GSE1: variants seen among roughly 807,000 people sequenced by gnomAD.
The protein encoded by GSE1 is genetic suppressor element 1.
Under a neutral mutation model 112.6 loss-of-function variants are expected in GSE1, and 32 were observed. That is an observed-to-expected ratio of 0.28 (90% CI 0.21 to 0.38). The LOEUF is 0.38. Among genes scored for constraint, GSE1 ranks in the 10% least tolerant of loss-of-function variants. The pLI, the probability that GSE1 is intolerant of heterozygous loss-of-function variation, is 1.00. For missense variants in GSE1, 2,348 were observed against 1,699.2 expected (o/e 1.38, Z -6.71); for synonymous variants, 1,115 against 735.6 (o/e 1.52, Z -8.35).
chr16:85,659,654 T>G (rs1367182871), intron 8 of GSE1: 1 of 152,186 alleles, frequency 6.6e-6, no homozygotes, highest in Non-Finnish European at 1.5e-5. Flanking sequence ...CCAGCCTGGG[T>G]AACACAGCGA....
At chr16:85,371,269 C>G (rs888741592) in intron 2 of GSE1, among the ~76,000 whole-genome samples, 21 of 152,218 alleles carry the variant, frequency 1.4e-4, no homozygotes, top group African/African-American at 5.1e-4. Flanking sequence ...GTGGAAAGTG[C>G]TCCTGCCGGG....
intron 2 of GSE1, among the ~76,000 whole-genome samples, chr16:85,365,954 A>G (rs1041793602): frequency 6.6e-6 from 1 of 152,230 alleles, no homozygotes; most frequent in Non-Finnish European, 1.5e-5. Flanking sequence ...CAAGAATCAG[A>G]GTCCACATCA....
chr16:85,668,105 C>A (rs923562951), intron 13 of GSE1, 35 bp from the exon 14 acceptor site: 1 of 1,514,050 alleles, frequency 6.6e-7, no homozygotes, highest in South Asian at 1.3e-5. Context: ...GTCCCTTCCC[C>A]CAACACACTG....
At chr16:85,509,939 A>G (rs557705942) in intron 2 of GSE1, among the ~76,000 whole-genome samples, 2 of 152,300 alleles carry the variant, frequency 1.3e-5, no homozygotes, top group East Asian at 1.9e-4. Flanking sequence ...CATTTCCAAG[A>G]TGGATTGATT....
chr16:85,517,856 A>G (rs1460240000), intron 2 of GSE1, among the ~76,000 whole-genome samples: 1 of 152,256 alleles, frequency 6.6e-6, no homozygotes, highest in African/African-American at 2.4e-5. Flanking sequence ...AAGAACGACA[A>G]GCGGAGCCGC....
intron 1 of GSE1, among the ~76,000 whole-genome samples, chr16:85,215,963 G>A (rs1448636504): frequency 6.6e-5 from 10 of 152,204 alleles, no homozygotes; most frequent in Non-Finnish European, 1.3e-4. Flanking sequence ...TGTGAGCAGA[G>A]CCCTTGGAGG....
At chr16:85,553,376 C>G (rs1371201530), upstream of GSE1, among the ~76,000 whole-genome samples, 5 of 151,430 alleles carry the variant, frequency 3.3e-5, no homozygotes, top group Non-Finnish European at 5.9e-5. Context: ...CAAAGGGCCG[C>G]CGGCGCCGAG....
intron 2 of GSE1, among the ~76,000 whole-genome samples, chr16:85,638,598 C>T (rs911087701): frequency 1.3e-5 from 2 of 152,160 alleles, no homozygotes; most frequent in South Asian, 4.1e-4. Context: ...TGTGCCACAG[C>T]CGGGAATGGT....
chr16:85,270,368 C>T (rs1459425889), intron 1 of GSE1, among the ~76,000 whole-genome samples: 1 of 148,918 alleles, frequency 6.7e-6, no homozygotes, highest in Non-Finnish European at 1.5e-5. Context: ...TGGTGTCCTT[C>T]TTCTCCTGGA....
intron 2 of GSE1, among the ~76,000 whole-genome samples, chr16:85,453,154 C>T (rs1023679049): frequency 3.3e-5 from 5 of 152,132 alleles, no homozygotes; most frequent in Non-Finnish European, 7.4e-5. Flanking sequence ...GCAGTCCTTT[C>T]CAGCTCCCGT....
intron 2 of GSE1, 30 bp downstream of exon 2, chr16:85,634,162 G>GA: frequency 7.3e-7 from 1 of 1,375,232 alleles, no homozygotes; most frequent in Non-Finnish European, 9.4e-7. Flanking sequence ...TGCGCGTGGG[G>GA]GGAGCGGCGG....
intron 2 of GSE1, among the ~76,000 whole-genome samples, chr16:85,460,989 G>A (rs1482106671): frequency 6.6e-6 from 1 of 152,342 alleles, no homozygotes; most frequent in African/African-American, 2.4e-5. Flanking sequence ...ACAGTCACAG[G>A]CTGACGGCAG....
intron 1 of GSE1, among the ~76,000 whole-genome samples, chr16:85,566,704 G>A (rs1435352564): frequency 1.3e-5 from 2 of 152,196 alleles, no homozygotes; most frequent in Non-Finnish European, 2.9e-5. Context: ...TTCTTGTCCT[G>A]TAATTCATTT....
At chr16:85,498,488 T>G (rs1597963926) in intron 2 of GSE1, among the ~76,000 whole-genome samples, 1 of 152,076 alleles carries the variant, frequency 6.6e-6, no homozygotes, top group East Asian at 1.9e-4. Flanking sequence ...TGTACACACA[T>G]GCATACAGAC....
Position 85,250,171 on chromosome 16 carries a change from G to A in GSE1, c.2283+78364G>A, listed in dbSNP as rs543275839. ...GGCCGAGCCCTTGGCTGTGTCCCTCGAAGAGACCCCTCTTCCCCTTGCCCA... is the reference window on the plus strand; with the variant it reads ...GGCCGAGCCCTTGGCTGTGTCCCTCAAAGAGACCCCTCTTCCCCTTGCCCA... On this transcript the variant is annotated intron_variant, in intron 1 of 2. Coordinates refer to the GSE1 transcript ENST00000637419. Among the ~76,000 whole-genome samples the A allele has an allele frequency of 1.4e-4, 21 of 152,222 alleles. 1 individual carries two copies. In the South Asian group the frequency reaches 2.9e-3, roughly 21 times the overall value.
chr16:85,364,659 C>G (rs1306617918), intron 2 of GSE1, among the ~76,000 whole-genome samples: 4 of 152,098 alleles, frequency 2.6e-5, no homozygotes, highest in Non-Finnish European at 4.4e-5. Flanking sequence ...CCAGCGGGCA[C>G]GGGCAACAGA....
At chr16:85,212,235 G>C (rs1327110448) in intron 1 of GSE1, among the ~76,000 whole-genome samples, 1 of 152,084 alleles carries the variant, frequency 6.6e-6, no homozygotes, top group African/African-American at 2.4e-5. Context: ...GTAAAACCCT[G>C]TCTCTACTAA....
chr16:85,533,580 T>C (rs1431140522), intron 2 of GSE1, among the ~76,000 whole-genome samples: 2 of 152,066 alleles, frequency 1.3e-5, no homozygotes, highest in African/African-American at 4.8e-5. Context: ...ATCAATGTTA[T>C]TGGCCAGGCA....
At chr16:85,521,154 C>T (rs965760626) in intron 2 of GSE1, among the ~76,000 whole-genome samples, 2 of 152,154 alleles carry the variant, frequency 1.3e-5, no homozygotes, top group Admixed American at 6.5e-5. Flanking sequence ...CCTTGGACTC[C>T]TGACCACCGA....
Sources: allele counts gnomAD v4.1 joint callset (sites outside exome capture counted in the v4.1 genomes callset), GRCh38; gene constraint gnomAD v4.1.1; transcripts MANE v1.5; gene names NCBI Gene and HGNC (gene_info 2026-07-23, HGNC 2026-07-21).